Variants in KCNH1 observed in about 807,000 individuals in gnomAD.
The protein encoded by KCNH1 is potassium voltage-gated channel subfamily H member 1, also known as voltage-gated delayed rectifier potassium channel KCNH1.
A neutral mutation model predicts 69.2 loss-of-function variants in KCNH1; 27 were observed. The observed-to-expected ratio is 0.39, with a 90% CI of 0.29 to 0.54. The LOEUF (loss-of-function observed/expected upper bound fraction) is 0.54, where lower values mean the gene tolerates loss of function less well. KCNH1 is among the 20% of genes least tolerant of loss of function. KCNH1 has a pLI of 0.68. For synonymous variants in KCNH1, 456 were observed against 487.7 expected (o/e 0.93, Z 0.86); for missense variants, 798 against 1,261.6 (o/e 0.63, Z 5.57).
chr1:210,775,081 G>A (rs1683834550), intron 10 of KCNH1, among the ~76,000 whole-genome samples: 1 of 151,936 alleles, frequency 6.6e-6, no homozygotes, highest in Non-Finnish European at 1.5e-5. Context: ...AGATATTGAT[G>A]GGGGAAAAAA....
chr1:210,948,042 T>C lies in KCNH1; in HGVS notation c.1033-27973A>G, dbSNP rs562682168. On this transcript the variant is annotated intron_variant, in intron 6 of 10. Coordinates refer to ENST00000271751, the MANE Select transcript of KCNH1 (RefSeq NM_172362.3). ...GGGCCACATAGTGAGACCCCATCCC[T>C]ATTAAAAAAAAAAAAAAGGAAAAAA... Among the ~76,000 whole-genome samples, 3 of 116,166 alleles carry C rather than the reference T, an allele frequency of 2.6e-5. No individual in the cohort carries two copies. In the East Asian group the frequency reaches 6.4e-4, roughly 25 times the overall value. 76.2% of individuals were successfully genotyped at this position (116,166 alleles called of 152,430 possible). A position where few individuals can be genotyped will look rare whatever the true frequency, so the allele number is the denominator to read the frequency against.
At chr1:211,013,052 T>A (rs540513896) in intron 6 of KCNH1, among the ~76,000 whole-genome samples, 67 of 152,322 alleles carry the variant, frequency 4.4e-4, no homozygotes, top group African/African-American at 1.5e-3. Flanking sequence ...GCCCTGGTCA[T>A]CTCATGACTT....
At chr1:210,991,239 A>G (rs556398665) in intron 6 of KCNH1, among the ~76,000 whole-genome samples, 16 of 152,212 alleles carry the variant, frequency 1.1e-4, no homozygotes, top group Non-Finnish European at 2.4e-4. Flanking sequence ...GACAAAGAAA[A>G]CGTAGTATAT....
chr1:210,989,772 C>T (rs1688906431), intron 6 of KCNH1, among the ~76,000 whole-genome samples: 1 of 152,166 alleles, frequency 6.6e-6, no homozygotes, highest in Admixed American at 6.6e-5. Flanking sequence ...GAGAGAGTTC[C>T]ATTCTTCCTG....
chr1:211,036,796 G>A (rs750090413), intron 5 of KCNH1, among the ~76,000 whole-genome samples: 1 of 152,088 alleles, frequency 6.6e-6, no homozygotes, highest in Non-Finnish European at 1.5e-5. Context: ...GATTAGTCTT[G>A]TACAATGGAA....
chr1:210,886,466 C>T (rs1387167086), intron 7 of KCNH1, among the ~76,000 whole-genome samples: 1 of 152,020 alleles, frequency 6.6e-6, no homozygotes, highest in African/African-American at 2.4e-5. Flanking sequence ...TCTGAAAATT[C>T]CAAAAACCAG....
intron 6 of KCNH1, among the ~76,000 whole-genome samples, chr1:210,987,674 G>A (rs944835493): frequency 2.6e-5 from 4 of 152,188 alleles, no homozygotes; most frequent in Non-Finnish European, 5.9e-5. Flanking sequence ...CCGGCCGTGT[G>A]AGGTGTCAGT....
At chr1:210,861,342 C>T (rs915402348) in intron 7 of KCNH1, 13 of 786,384 alleles carry the variant, frequency 1.7e-5, no homozygotes, top group South Asian at 5.4e-5. Context: ...TATTGCTTCT[C>T]GTTGTACTGT....
chr1:211,008,355 T>A (rs1689324445), intron 6 of KCNH1, among the ~76,000 whole-genome samples: 1 of 152,222 alleles, frequency 6.6e-6, no homozygotes, highest in African/African-American at 2.4e-5. Flanking sequence ...AAAGAAGAAC[T>A]GCCCAGCTGA....
chr1:210,718,055 T>C (rs1682306534), intron 10 of KCNH1, among the ~76,000 whole-genome samples: 1 of 151,582 alleles, frequency 6.6e-6, no homozygotes, highest in Non-Finnish European at 1.5e-5. Context: ...TGCAGTGAGC[T>C]GAGATTGCAC....
At chr1:210,798,249 C>T (rs1179897510) in intron 8 of KCNH1, among the ~76,000 whole-genome samples, 1 of 152,046 alleles carries the variant, frequency 6.6e-6, no homozygotes, top group Admixed American at 6.6e-5. Context: ...TCATGTTAGC[C>T]AGGATGGTCT....
chr1:210,867,717 A>G (rs1280890791), intron 7 of KCNH1, among the ~76,000 whole-genome samples: 1 of 151,992 alleles, frequency 6.6e-6, no homozygotes, highest in African/African-American at 2.4e-5. Flanking sequence ...ACTTTATGTC[A>G]TTTTAAGTAA....
chr1:210,983,016 G>T (rs1310102980), intron 6 of KCNH1, among the ~76,000 whole-genome samples: 2 of 152,170 alleles, frequency 1.3e-5, no homozygotes, highest in Non-Finnish European at 2.9e-5. Context: ...TTCTCTGATG[G>T]CCAGTGATGA....
chr1:210,795,194 A>G (rs1206605406), intron 9 of KCNH1, among the ~76,000 whole-genome samples: 1 of 152,120 alleles, frequency 6.6e-6, no homozygotes, highest in African/African-American at 2.4e-5. Flanking sequence ...TCTGTCACTC[A>G]GGCCTCAGGC....
chr1:210,714,028 C>T (rs1682148817), intron 10 of KCNH1, among the ~76,000 whole-genome samples: 1 of 152,038 alleles, frequency 6.6e-6, no homozygotes, highest in Non-Finnish European at 1.5e-5. Context: ...TTTTTTCTAA[C>T]CTACGGGGCT....
intron 9 of KCNH1, among the ~76,000 whole-genome samples, chr1:210,795,981 A>G (rs1684305622): frequency 6.6e-6 from 1 of 150,516 alleles, no homozygotes; most frequent in African/African-American, 2.4e-5. Flanking sequence ...ACACACACAC[A>G]CACACACACA....
intron 6 of KCNH1, among the ~76,000 whole-genome samples, chr1:210,998,827 G>A (rs1302054676): frequency 6.6e-6 from 1 of 152,182 alleles, no homozygotes; most frequent in African/African-American, 2.4e-5. Flanking sequence ...ACACCACAGA[G>A]CAATCAAACT....
At chr1:210,896,761 A>G (rs956693025) in intron 7 of KCNH1, among the ~76,000 whole-genome samples, 11 of 152,212 alleles carry the variant, frequency 7.2e-5, no homozygotes, top group African/African-American at 2.7e-4. Flanking sequence ...TTGAAGAAAG[A>G]AAAGAGAGGG....
chr1:210,842,315 T>C (rs1222409843), intron 7 of KCNH1, among the ~76,000 whole-genome samples: 1 of 152,114 alleles, frequency 6.6e-6, no homozygotes, highest in East Asian at 1.9e-4. Flanking sequence ...ACCCCAAATA[T>C]AACAAGTGTT....
Sources: gnomAD v4.1 joint callset for allele counts (sites outside exome capture counted in the v4.1 genomes callset) on GRCh38, gnomAD v4.1.1 for gene constraint, MANE v1.5 for transcripts, NCBI Gene and HGNC (gene_info 2026-07-23, HGNC 2026-07-21) for gene names.